The following WWP1 variants were observed in gnomAD, a reference collection of about 807,000 sequenced individuals.
WWP1 encodes the protein WW domain containing E3 ubiquitin protein ligase 1, also known as NEDD4-like E3 ubiquitin-protein ligase WWP1.
Under a neutral mutation model 130.6 loss-of-function variants are expected in WWP1, and 49 were observed. The ratio of observed to expected loss-of-function variants is 0.38; its 90% CI spans 0.30 to 0.48. The LOEUF is 0.48. Among genes scored for constraint, WWP1 ranks in the 20% least tolerant of loss-of-function variants. The pLI, the probability that WWP1 is intolerant of heterozygous loss-of-function variation, is 0.99. For missense variants in WWP1, 809 were observed against 1,100.6 expected (o/e 0.74, Z 3.75); for synonymous variants, 332 against 367.8 (o/e 0.90, Z 1.11).
intron 8 of WWP1, among the ~76,000 whole-genome samples, chr8:86,403,383 C>T (rs539489981): frequency 1.3e-3 from 199 of 152,264 alleles, no homozygotes; most frequent in African/African-American, 4.6e-3. Context: ...GCAACTTCTG[C>T]CTCCTGGGTT....
chr8:86,362,197 T>TATATATAC (rs1823705623), intron 1 of WWP1, among the ~76,000 whole-genome samples: 1 of 121,140 alleles, frequency 8.3e-6, no homozygotes, highest in African/African-American at 2.9e-5. Context: ...TATATATATA[T>TATATATAC]ATATACTGGA....
intron 23 of WWP1, 162 bp downstream of exon 23, chr8:86,461,482 G>T: frequency 1.5e-6 from 1 of 670,454 alleles, no homozygotes; most frequent in African/African-American, 1.8e-5. Context: ...CAAAGCACTT[G>T]TAAGACAAAA....
intron 9 of WWP1, among the ~76,000 whole-genome samples, chr8:86,416,964 T>G (rs1808924879): frequency 6.6e-6 from 1 of 152,162 alleles, no homozygotes; most frequent in African/African-American, 2.4e-5. Flanking sequence ...AGGCCTGCTC[T>G]GGTCACCACC....
At chr8:86,427,859 C>T (rs756445406) in intron 11 of WWP1, 42 bp downstream of exon 11, 1 of 1,548,130 alleles carries the variant, frequency 6.5e-7, no homozygotes, top group Non-Finnish European at 8.7e-7. Flanking sequence ...CTTCCTCCCT[C>T]AGGTGTTTCT....
At chr8:86,361,370 C>T (rs1168478504) in intron 1 of WWP1, among the ~76,000 whole-genome samples, 8 of 152,190 alleles carry the variant, frequency 5.3e-5, no homozygotes, top group African/African-American at 1.9e-4. Flanking sequence ...TCTGCTGCTT[C>T]TTCTCTTTCC....
chr8:86,436,854 A>G (rs1204698666), intron 16 of WWP1, among the ~76,000 whole-genome samples: 1 of 152,142 alleles, frequency 6.6e-6, no homozygotes, highest in African/African-American at 2.4e-5. Context: ...ACAAGCCAAA[A>G]TGGAGTAATG....
intron 8 of WWP1, 109 bp from the exon 9 acceptor site, chr8:86,411,429 T>G: frequency 1.2e-6 from 1 of 825,672 alleles, no homozygotes; most frequent in Non-Finnish European, 1.9e-6. Context: ...GAGAATGGAT[T>G]GTAGTTGCTT....
At chr8:86,419,916 A>G (rs1809104496) in intron 9 of WWP1, among the ~76,000 whole-genome samples, 1 of 152,244 alleles carries the variant, frequency 6.6e-6, no homozygotes, top group African/African-American at 2.4e-5. Flanking sequence ...AGACAGTGGA[A>G]GAGAGTGGGT....
intron 18 of WWP1, among the ~76,000 whole-genome samples, chr8:86,447,361 G>C (rs1268217434): frequency 6.6e-6 from 1 of 152,124 alleles, no homozygotes; most frequent in Non-Finnish European, 1.5e-5. Flanking sequence ...CCACCTCCCA[G>C]GTTCAAGCAA....
intron 3 of WWP1, among the ~76,000 whole-genome samples, chr8:86,379,991 G>A (rs1824890289): frequency 6.6e-6 from 1 of 152,164 alleles, no homozygotes; most frequent in Non-Finnish European, 1.5e-5. Context: ...ACATGAGCCA[G>A]GAGTTCTACT....
intron 8 of WWP1, among the ~76,000 whole-genome samples, chr8:86,408,997 A>C (rs1403115164): frequency 1.3e-5 from 2 of 151,988 alleles, no homozygotes; most frequent in African/African-American, 4.8e-5. Context: ...GAAATGTTTT[A>C]GCTCCAATTA....
At chr8:86,450,556 T>C (rs1026127777) in intron 20 of WWP1, among the ~76,000 whole-genome samples, 1 of 152,228 alleles carries the variant, frequency 6.6e-6, no homozygotes, top group Non-Finnish European at 1.5e-5. Context: ...AATTTCACTA[T>C]GTAAGATGTA....
intron 16 of WWP1, 118 bp from the exon 17 acceptor site, chr8:86,438,467 G>C (rs1810415666): frequency 1.4e-6 from 1 of 721,548 alleles, no homozygotes; most frequent in Non-Finnish European, 2.1e-6. Context: ...TGAGTTAAAA[G>C]CATTGTATAA....
At chr8:86,455,320 C>T (rs536766437) in intron 21 of WWP1, among the ~76,000 whole-genome samples, 5 of 151,842 alleles carry the variant, frequency 3.3e-5, no homozygotes, top group African/African-American at 1.2e-4. Context: ...TTACCAAATA[C>T]CCTAGCCAGT....
intron 10 of WWP1, 142 bp from the exon 11 acceptor site, chr8:86,427,501 G>A (rs1328948359): frequency 3.0e-5 from 25 of 846,294 alleles, no homozygotes; most frequent in Non-Finnish European, 4.2e-5. Flanking sequence ...GGTAATTTAG[G>A]TAAAATAAAT....
chr8:86,400,923 T>G (rs962478179), intron 7 of WWP1, among the ~76,000 whole-genome samples: 26 of 152,094 alleles, frequency 1.7e-4, no homozygotes, highest in African/African-American at 6.3e-4. Context: ...GGCTGCTCTG[T>G]GGAGAGCAGT....
At chr8:86,349,617 A>ATGAC (rs1822799384) in intron 1 of WWP1, among the ~76,000 whole-genome samples, 1 of 152,160 alleles carries the variant, frequency 6.6e-6, no homozygotes, top group Non-Finnish European at 1.5e-5. Flanking sequence ...GCTGAGTCTA[A>ATGAC]AAAGTGCAAA....
intron 1 of WWP1, among the ~76,000 whole-genome samples, chr8:86,344,959 G>A (rs191184165): frequency 6.6e-6 from 1 of 152,138 alleles, no homozygotes; most frequent in East Asian, 1.9e-4. Flanking sequence ...ATTTTGAATT[G>A]GGAGTGAAAC....
chr8:86,440,600 G>A (rs1019939901), intron 17 of WWP1: 1 of 433,264 alleles, frequency 2.3e-6, no homozygotes, highest in Non-Finnish European at 4.6e-6. Flanking sequence ...TAATTTCACT[G>A]TTGATTGTTT....
Sources: allele counts gnomAD v4.1 joint callset (sites outside exome capture counted in the v4.1 genomes callset), GRCh38; gene constraint gnomAD v4.1.1; transcripts MANE v1.5; gene names NCBI Gene and HGNC (gene_info 2026-07-23, HGNC 2026-07-21).